The following SGK3 variants were observed in gnomAD, a reference collection of about 807,000 sequenced individuals.
SGK3 encodes serum/glucocorticoid regulated kinase family member 3.
Under a neutral mutation model 68.5 loss-of-function variants are expected in SGK3, and 47 were observed. The ratio of observed to expected loss-of-function variants is 0.69; its 90% CI spans 0.54 to 0.87. The LOEUF (loss-of-function observed/expected upper bound fraction) is 0.87, where lower values mean the gene tolerates loss of function less well. Among genes scored for constraint, SGK3 ranks in the 40% least tolerant of loss-of-function variants. The pLI is 0.00. For missense variants in SGK3, 479 were observed against 575.5 expected, an observed-to-expected ratio of 0.83 and a Z score of 1.72; for synonymous variants, 181 against 189.1, an observed-to-expected ratio of 0.96 and a Z score of 0.35.
intron 1 of SGK3, among the ~76,000 whole-genome samples, chr8:66,746,083 A>G (rs1313682540): frequency 1.3e-5 from 2 of 152,214 alleles, no homozygotes; most frequent in African/African-American, 2.4e-5. Context: ...TATTTTCTCC[A>G]GAACTATTCA....
chr8:66,829,048 T>G (rs1467950429), intron 7 of SGK3, among the ~76,000 whole-genome samples: 1 of 151,468 alleles, frequency 6.6e-6, no homozygotes, highest in African/African-American at 2.4e-5. Context: ...TCCTATGAGG[T>G]CCTCTGAAAA....
intron 3 of SGK3, among the ~76,000 whole-genome samples, chr8:66,802,797 A>G (rs2130607079): frequency 6.6e-6 from 1 of 152,106 alleles, no homozygotes; most frequent in East Asian, 1.9e-4. Context: ...AAACACATAC[A>G]GAAGTGACAT....
chr8:66,770,155 C>T (rs535168837), intron 1 of SGK3, among the ~76,000 whole-genome samples: 175 of 152,148 alleles, frequency 1.2e-3, no homozygotes, highest in Middle Eastern at 3.4e-3. Flanking sequence ...GGAGTTTCCC[C>T]GTGTTTGCCA....
At chr8:66,831,761 A>T (rs1360119693) in intron 8 of SGK3, among the ~76,000 whole-genome samples, 1 of 152,204 alleles carries the variant, frequency 6.6e-6, no homozygotes, top group Non-Finnish European at 1.5e-5. Flanking sequence ...CACCCTCAAA[A>T]TACTAACAAT....
intron 1 of SGK3, among the ~76,000 whole-genome samples, chr8:66,745,362 G>C (rs948854463): frequency 6.6e-6 from 1 of 152,070 alleles, no homozygotes; most frequent in African/African-American, 2.4e-5. Flanking sequence ...ACGAGGTCAG[G>C]AGATCGAGAC....
chr8:66,717,208 A>G (rs1804659165), intron 1 of SGK3, among the ~76,000 whole-genome samples: 1 of 136,066 alleles, frequency 7.3e-6, no homozygotes, highest in Non-Finnish European at 1.5e-5. Flanking sequence ...TCTTTATCTG[A>G]AAAAAAAAAA....
intron 1 of SGK3, among the ~76,000 whole-genome samples, chr8:66,770,543 T>G (rs949121550): frequency 6.6e-6 from 1 of 152,152 alleles, no homozygotes; most frequent in African/African-American, 2.4e-5. Flanking sequence ...CTAGGGCTAA[T>G]TCCTCCCCAG....
chr8:66,740,784 G>A lies in SGK3; in HGVS notation c.-122+27951G>A, dbSNP rs555773873. Among the ~76,000 whole-genome samples, 20 of 152,050 alleles carry A rather than the reference G, an allele frequency of 1.3e-4. No individual in the cohort carries two copies. In the South Asian group the frequency reaches 3.3e-3, roughly 25 times the overall value. On this transcript the variant is annotated intron_variant, in intron 1 of 16. Coordinates refer to ENST00000521198, the MANE Select transcript of SGK3 (RefSeq NM_001033578.3). ...TAGCCAGGTGTGGTGGTGCACGCCC[G>A]TAGTCCCAGCTACTCAGGAGGATGA...
In SGK3 at chr8:66,798,628, A is replaced by C. The variant is rs779858720; in HGVS notation, c.180+3A>C. On this transcript the variant is annotated splice_donor_region_variant and intron_variant, in intron 3 of 16. Coordinates refer to ENST00000521198, the MANE Select transcript of SGK3 (RefSeq NM_001033578.3). ...AGTTTGATAAACTTTATAACACTGT[A>C]AGTAATCGTCTACAAGATTTCTAAT... is the stretch of plus-strand genomic sequence containing the variant. 1.3e-6 allele frequency: 2 copies of C among 1,594,962 alleles called. No individual in the cohort carries two copies. The highest frequency in any genetic ancestry group is 1.7e-6 in the Non-Finnish European group (2 of 1,171,074).
At chr8:66,826,049 T>C (rs1809040668) in intron 6 of SGK3, among the ~76,000 whole-genome samples, 1 of 152,120 alleles carries the variant, frequency 6.6e-6, no homozygotes, top group South Asian at 2.1e-4. Flanking sequence ...CTCGGCTCAC[T>C]GCAACCTCCC....
At chr8:66,820,425 ACAC>A (rs1808764864) in intron 5 of SGK3, among the ~76,000 whole-genome samples, 1 of 152,192 alleles carries the variant, frequency 6.6e-6, no homozygotes, top group African/African-American at 2.4e-5. Context: ...TGTATGGATA[ACAC>A]CACATTTTGT....
intron 14 of SGK3, among the ~76,000 whole-genome samples, chr8:66,844,444 T>TA (rs1436401122): frequency 1.2e-4 from 18 of 152,212 alleles, no homozygotes; most frequent in Admixed American, 3.9e-4. Context: ...TGGCCAGAGC[T>TA]TCTGATTAAT....
At chr8:66,798,694 T>C in intron 3 of SGK3, 69 bp downstream of exon 3, 3 of 1,330,754 alleles carry the variant, frequency 2.3e-6, no homozygotes, top group South Asian at 2.8e-5. Flanking sequence ...AAGAGAGATG[T>C]ATTTGAATGA....
chr8:66,819,840 C>CA (rs1251238426), intron 5 of SGK3, among the ~76,000 whole-genome samples: 1 of 148,816 alleles, frequency 6.7e-6, no homozygotes, highest in African/African-American at 2.5e-5. Flanking sequence ...TTTTTGGAGA[C>CA]AGAGTTTTGC....
intron 5 of SGK3, among the ~76,000 whole-genome samples, chr8:66,819,824 T>G (rs576954456): frequency 1.5e-4 from 22 of 145,790 alleles, no homozygotes; most frequent in South Asian, 8.6e-4. Flanking sequence ...TGTTTTTTGG[T>G]TTTTTTTTTT....
chr8:66,823,418 A>C lies in SGK3; in HGVS notation c.417+959A>C, dbSNP rs1419571340. On this transcript the variant is annotated intron_variant, in intron 6 of 16. Coordinates refer to ENST00000521198, the MANE Select transcript of SGK3 (RefSeq NM_001033578.3). The stretch of plus-strand genomic sequence containing the variant: ...TTTTTTTTTTTGTTAATTTTTTTTG[A>C]GATGGAGTCTCGCACTGTTGCCTAG... Among the ~76,000 whole-genome samples the C allele has an allele frequency of 2.9e-5, 4 of 139,330 alleles. No homozygotes were observed. In the East Asian group the frequency reaches 8.3e-4, roughly 29 times the overall value. 91.4% of individuals were successfully genotyped at this position (139,330 alleles called of 152,430 possible). A position where few individuals can be genotyped will look rare whatever the true frequency, so the allele number is the denominator to read the frequency against.
chr8:66,766,272 C>T (rs1195977728), intron 1 of SGK3, among the ~76,000 whole-genome samples: 3 of 151,864 alleles, frequency 2.0e-5, no homozygotes, highest in Admixed American at 2.0e-4. Context: ...CCTGTAATCC[C>T]AGCGCTTTGG....
intron 1 of SGK3, among the ~76,000 whole-genome samples, chr8:66,764,463 A>T (rs1419223988): frequency 6.6e-6 from 1 of 151,934 alleles, no homozygotes; most frequent in Admixed American, 6.6e-5. Context: ...TTTGTACATT[A>T]TCTTTTGTTT....
At position 66,819,209 on chromosome 8, in the gene SGK3, T is replaced by C. The variant is rs1028800768; in HGVS notation, c.330-3163T>C. 2.0e-5 allele frequency among the ~76,000 whole-genome samples: 3 copies of C among 152,220 alleles called. No homozygotes were observed. In the South Asian group the frequency reaches 6.2e-4, roughly 31 times the overall value. On this transcript the variant is annotated intron_variant, in intron 5 of 16. Transcript: ENST00000521198. ...CACATCAAATTATCCAAGATGTTAA[T>C]ATAAAATGTAACATTTAATGCTAAC...
Sources: allele counts gnomAD v4.1 joint callset (sites outside exome capture counted in the v4.1 genomes callset), GRCh38; gene constraint gnomAD v4.1.1; transcripts MANE v1.5; gene names NCBI Gene and HGNC (gene_info 2026-07-23, HGNC 2026-07-21).